TEX14: variants seen among roughly 807,000 people sequenced by gnomAD.
TEX14 encodes testis expressed 14, intercellular bridge forming factor.
In TEX14, 168 loss-of-function variants were observed where a neutral mutation model predicts 178.6. That is an observed-to-expected ratio of 0.94 (90% confidence interval 0.83 to 1.07). The LOEUF (loss-of-function observed/expected upper bound fraction) is 1.07, where lower values mean the gene tolerates loss of function less well. TEX14 is among the 50% of genes least tolerant of loss of function. TEX14 has a pLI of 0.00. For missense variants in TEX14, 1,730 were observed against 1,753.6 expected (o/e 0.99, Z 0.24); for synonymous variants, 626 against 634.1 (o/e 0.99, Z 0.19).
chr17:58,655,038 T>TTC (rs1265736005), intron 1 of TEX14, among the ~76,000 whole-genome samples: 1 of 150,530 alleles, frequency 6.6e-6, no homozygotes, highest in Admixed American at 6.6e-5. Context: ...CTTCTTTTTT[T>TTC]TTTTTTTTTT....
chr17:58,665,749 GAA>G (rs535664133), intron 1 of TEX14, among the ~76,000 whole-genome samples: 1 of 145,286 alleles, frequency 6.9e-6, no homozygotes, highest in South Asian at 2.2e-4. Context: ...AAGAAACAAT[GAA>G]AAAAAAAAAT....
intron 15 of TEX14, among the ~76,000 whole-genome samples, chr17:58,592,123 T>TTTA (rs1208983090): frequency 6.6e-6 from 1 of 151,664 alleles, no homozygotes; most frequent in Admixed American, 6.6e-5. Flanking sequence ...TTACTTATAA[T>TTTA]ACCTAACTAA....
Position 58,569,282 on chromosome 17 carries a change from A to G in TEX14, c.3818-22T>C. 1 of 1,605,976 alleles carries G rather than the reference A, an allele frequency of 6.2e-7. No individual in the cohort carries two copies. On this transcript the variant is annotated intron_variant, in intron 25 of 31. Transcript: ENST00000349033. This position sits in a 1 kb window ranked among gnomAD's most constrained non-coding sequence, Gnocchi z 4.1. ...TCTACTAGTTTTTAAAAAAGACAAAAGGGAAAATGTCTTAACACCCTCCTG... is the reference window on the plus strand; with the variant it reads ...TCTACTAGTTTTTAAAAAAGACAAAGGGGAAAATGTCTTAACACCCTCCTG...
At chr17:58,625,689 G>T (rs114898775) in intron 3 of TEX14, among the ~76,000 whole-genome samples, 3,544 of 152,186 alleles carry the variant, frequency 0.023, 142 homozygotes, top group African/African-American at 0.08. Flanking sequence ...TACACACAGT[G>T]TTCAAAAAAA....
chr17:58,581,233 C>T (rs1241673119), intron 19 of TEX14, among the ~76,000 whole-genome samples: 2 of 151,704 alleles, frequency 1.3e-5, no homozygotes, highest in African/African-American at 4.8e-5. Context: ...ATCGCTTGAA[C>T]CCGGGAGGCA....
rs1362450876 is a variant in TEX14, at chr17:58,651,952, G to A, written c.50C>T (p.Thr17Ile). 3 of 1,613,012 alleles carry A rather than the reference G, an allele frequency of 1.9e-6. No homozygotes were observed. Among genetic ancestry groups the A allele is most frequent in the African/African-American group, 2.7e-5 (2 of 74,864 alleles). The change falls in exon 2 of 32, where the codon ACC (threonine) becomes ATC (isoleucine). Residue 17 changes from threonine (T) to isoleucine (I), a missense_variant. Physicochemically the swap from Thr to Ile is moderately conservative, Grantham distance 89. This residue lies in a region of TEX14 where 789 missense variants were observed against 681.2 expected (regional missense o/e 1.16). Coordinates refer to ENST00000349033, the MANE Select transcript of TEX14 (RefSeq NM_031272.5). ...LPVPCPVQLG[T>I]LRNDSLEAQL... ...AGCTTCCAGGGAGTCATTTCTTAAG[G>A]TACCAAGTTGAACAGGACAGGGGAC...
At chr17:58,597,307 G>A (rs932639122) in intron 14 of TEX14, among the ~76,000 whole-genome samples, 5 of 152,132 alleles carry the variant, frequency 3.3e-5, no homozygotes, top group Non-Finnish European at 7.3e-5. Flanking sequence ...GCTGAGGCAG[G>A]AGAATCGCTT....
Position 58,611,211 on chromosome 17 carries a change from G to C in TEX14, c.1134C>G (p.Ile378Met). ...TCAGCCTCGCTTCACCTGGGGAGAT[G>C]ATATGGACAGCATAGGAGCTGAGGG... ...HRSLSSYAVH[I>M]ISPGEARLTN... The change falls in exon 10 of 32, where the codon ATC (isoleucine) becomes ATG (methionine). Residue 378 changes from isoleucine to methionine, a missense_variant. Ile to Met is a conservative substitution (Grantham distance 10). Transcript: ENST00000349033. 6.2e-7 allele frequency: 1 copy of C among 1,613,990 alleles called. No homozygotes were observed. Among genetic ancestry groups the C allele is most frequent in the Non-Finnish European group, 8.5e-7 (1 of 1,179,912 alleles).
intron 1 of TEX14, among the ~76,000 whole-genome samples, chr17:58,655,609 C>T (rs1481994154): frequency 1.3e-5 from 2 of 152,110 alleles, no homozygotes; most frequent in East Asian, 1.9e-4. Context: ...AGTGAGCCAC[C>T]GCACCTGGCC....
intron 18 of TEX14, among the ~76,000 whole-genome samples, chr17:58,585,170 A>G (rs1432495294): frequency 3.3e-5 from 5 of 152,168 alleles, no homozygotes; most frequent in African/African-American, 1.2e-4. Context: ...GTGATGGCCT[A>G]CCTCTATCCC....
At chr17:58,573,822 T>C (rs1027998017) in intron 22 of TEX14, among the ~76,000 whole-genome samples, 1 of 152,144 alleles carries the variant, frequency 6.6e-6, no homozygotes, top group Non-Finnish European at 1.5e-5. Flanking sequence ...CCTGGCACCA[T>C]AGAGACTTTC....
At chr17:58,573,371 C>T (rs1452651981) in intron 22 of TEX14, 63 bp from the exon 23 acceptor site, 33 of 1,512,240 alleles carry the variant, frequency 2.2e-5, no homozygotes, top group Admixed American at 3.7e-5. Context: ...ACAATATATT[C>T]CTGAGAGGTA....
Position 58,569,178 on chromosome 17 carries a change from T to C in TEX14, c.3886+14A>G. On this transcript the variant is annotated intron_variant, in intron 26 of 31. Coordinates refer to ENST00000349033, the MANE Select transcript of TEX14 (RefSeq NM_031272.5). The surrounding 1 kb of genome is among the most constrained non-coding windows in gnomAD (Gnocchi z 4.1). ...CAGGGCCGAGAAGTATATTCTGTAT[T>C]GAACATCTCTTACCAATGTCATCAA... 6.2e-7 allele frequency: 1 copy of C among 1,609,320 alleles called. No individual in the cohort carries two copies. The highest frequency in any genetic ancestry group is 1.1e-5 in the South Asian group (1 of 90,954).
chr17:58,644,825 A>G (rs2046663320), intron 2 of TEX14, among the ~76,000 whole-genome samples: 1 of 142,028 alleles, frequency 7.0e-6, no homozygotes, highest in South Asian at 2.2e-4. Context: ...TAATGTTTGA[A>G]TTTTTAGTAG....
chr17:58,570,529 T>C (rs1298999938), intron 24 of TEX14, 45 bp from the exon 25 acceptor site: 1 of 1,337,682 alleles, frequency 7.5e-7, no homozygotes, highest in African/African-American at 1.6e-5. Flanking sequence ...TGTGTTGAGC[T>C]AAAAAGGCAT....
At chr17:58,648,663 T>G (rs2046767703) in intron 2 of TEX14, among the ~76,000 whole-genome samples, 2 of 152,128 alleles carry the variant, frequency 1.3e-5, no homozygotes, top group Admixed American at 6.6e-5. Flanking sequence ...GACTCAGGTC[T>G]CATCTCTCTT....
chr17:58,651,937 G>T lies in TEX14; in HGVS notation c.65C>A (p.Ser22Tyr), dbSNP rs2046847590. 6.2e-7 allele frequency: 1 copy of T among 1,612,974 alleles called. No individual in the cohort carries two copies. The highest frequency in any genetic ancestry group is 8.5e-7 in the Non-Finnish European group (1 of 1,179,720). The change falls in exon 2 of 32, where the codon TCC becomes TAC. Residue 22 changes from serine (S) to tyrosine (Y), a missense_variant. Ser to Tyr is a moderately radical substitution (Grantham distance 144). Coordinates refer to ENST00000349033, the MANE Select transcript of TEX14 (RefSeq NM_031272.5). ...PVQLGTLRNDSLEAQLHEYVK... is the reference protein window; with the variant it reads ...PVQLGTLRNDYLEAQLHEYVK... ...ATACTCATGAAGCTGAGCTTCCAGG[G>T]AGTCATTTCTTAAGGTACCAAGTTG... is the stretch of plus-strand genomic sequence containing the variant.
intron 1 of TEX14, among the ~76,000 whole-genome samples, chr17:58,667,115 C>T (rs1251262597): frequency 6.6e-6 from 1 of 152,206 alleles, no homozygotes; most frequent in Non-Finnish European, 1.5e-5. Flanking sequence ...GGAGAGTTTC[C>T]TTGAGCTAAC....
At chr17:58,621,819 C>T (rs771867132) in intron 4 of TEX14, 33 bp from the exon 5 acceptor site, 15 of 1,586,010 alleles carry the variant, frequency 9.5e-6, no homozygotes, top group Non-Finnish European at 1.3e-5. Context: ...CCAGTGCGGG[C>T]GCACCAGTTC....
Sources: allele counts gnomAD v4.1 joint callset (sites outside exome capture counted in the v4.1 genomes callset), GRCh38; gene constraint gnomAD v4.1.1; regional missense constraint gnomAD v4.1.1; non-coding constraint Gnocchi (gnomAD v3.1); transcripts MANE v1.5; gene names NCBI Gene and HGNC (gene_info 2026-07-23, HGNC 2026-07-21).